The following MICAL3 variants were observed in gnomAD, a reference collection of about 807,000 sequenced individuals.
The protein encoded by MICAL3 is [F-actin]-monooxygenase MICAL3.
Under a neutral mutation model 207.4 loss-of-function variants are expected in MICAL3, and 62 were observed. The observed-to-expected ratio is 0.30, with a 90% CI of 0.24 to 0.37. MICAL3 has a LOEUF of 0.37. MICAL3 is among the 10% of genes least tolerant of loss of function. The pLI, the probability that MICAL3 is intolerant of heterozygous loss-of-function variation, is 1.00. For missense variants in MICAL3, 2,368 were observed against 2,635.6 expected (o/e 0.90, Z 2.22); for synonymous variants, 1,077 against 1,069.3 (o/e 1.01, Z -0.14).
chr22:17,878,917 C>G (rs1369685251), intron 16 of MICAL3, among the ~76,000 whole-genome samples: 1 of 152,150 alleles, frequency 6.6e-6, no homozygotes, highest in Non-Finnish European at 1.5e-5. Context: ...CTTAGGATTT[C>G]CACTTCAAGA....
chr22:17,985,217 C>T (rs1198997258), intron 1 of MICAL3, among the ~76,000 whole-genome samples: 1 of 152,112 alleles, frequency 6.6e-6, no homozygotes, highest in African/African-American at 2.4e-5. Context: ...GAGGAAGGTC[C>T]GGCCAGGGAG....
chr22:17,794,616 AC>A (rs1231255074), intron 29 of MICAL3, among the ~76,000 whole-genome samples: 3 of 151,154 alleles, frequency 2.0e-5, no homozygotes, highest in Non-Finnish European at 4.4e-5. Context: ...AGAGCCAACC[AC>A]CCCCTTTCCT....
At chr22:17,990,092 AG>A (rs1242704137) in intron 1 of MICAL3, among the ~76,000 whole-genome samples, 1 of 149,332 alleles carries the variant, frequency 6.7e-6, no homozygotes, top group Non-Finnish European at 1.5e-5. Context: ...TTATTTCAGG[AG>A]GCTTAAAGAA....
chr22:17,882,214 C>G (rs1299386634), intron 16 of MICAL3, among the ~76,000 whole-genome samples: 4 of 152,212 alleles, frequency 2.6e-5, no homozygotes, highest in African/African-American at 9.7e-5. Context: ...AAGGGAAGAG[C>G]CACAGTGTTT....
At chr22:17,948,761 G>A (rs1934190508) in intron 1 of MICAL3, among the ~76,000 whole-genome samples, 1 of 151,884 alleles carries the variant, frequency 6.6e-6, no homozygotes, top group Non-Finnish European at 1.5e-5. Flanking sequence ...ATACAAAAAT[G>A]AGCTGTGCCC....
intron 2 of MICAL3, among the ~76,000 whole-genome samples, chr22:17,905,652 G>A (rs897353284): frequency 2.6e-5 from 4 of 152,112 alleles, no homozygotes; most frequent in Admixed American, 6.6e-5. Context: ...ATTAAAGCTC[G>A]TGAAAGAACA....
At chr22:17,792,892 A>C (rs1253863103) in intron 29 of MICAL3, among the ~76,000 whole-genome samples, 1 of 152,052 alleles carries the variant, frequency 6.6e-6, no homozygotes, top group African/African-American at 2.4e-5. Context: ...GCCAGCCCCC[A>C]CTCAGTTCCA....
chr22:17,901,058 G>A (rs1931277785), intron 5 of MICAL3, 61 bp from the exon 6 acceptor site: 2 of 1,522,928 alleles, frequency 1.3e-6, no homozygotes, highest in Middle Eastern at 1.7e-4. Context: ...GATCACTTCA[G>A]ATAAAGTGGG....
intron 11 of MICAL3, among the ~76,000 whole-genome samples, chr22:17,892,145 A>G (rs1440501911): frequency 6.6e-6 from 1 of 152,212 alleles, no homozygotes; most frequent in Non-Finnish European, 1.5e-5. Flanking sequence ...TAACTTGCCA[A>G]GAGAAGAAGC....
intron 11 of MICAL3, among the ~76,000 whole-genome samples, chr22:17,893,099 AC>A (rs1930515683): frequency 6.6e-6 from 1 of 152,086 alleles, no homozygotes; most frequent in South Asian, 2.1e-4. Flanking sequence ...CGCACAATTC[AC>A]CAGCAGCAAA....
chr22:17,889,222 T>C lies in MICAL3; in HGVS notation c.1703A>G (p.Asp568Gly), dbSNP rs755448414. The C allele has an allele frequency of 2.5e-6, 4 of 1,610,128 alleles. No homozygotes were observed. The highest frequency in any genetic ancestry group is 1.7e-5 in the Admixed American group (1 of 59,928). Residue 568 changes from aspartate to glycine, a missense_variant, in exon 13 of 32, where the codon GAT becomes GGT. Transcript: ENST00000441493. ...HRYRPDLIDF[D>G]SLDEQNVEKN... ...CTCCACATTTTGCTCATCCAAAGAA[T>C]CAAAATCTCTGAGAAACAGGACAAG... is the stretch of plus-strand genomic sequence containing the variant.
At chr22:17,999,071 T>A (rs1922639195) in intron 1 of MICAL3, among the ~76,000 whole-genome samples, 1 of 152,198 alleles carries the variant, frequency 6.6e-6, no homozygotes. Flanking sequence ...TGGTCAGGCT[T>A]CGACCATCTG....
chr22:17,801,092 T>C (rs1052213357), intron 29 of MICAL3, among the ~76,000 whole-genome samples: 1 of 151,946 alleles, frequency 6.6e-6, no homozygotes, highest in Admixed American at 6.6e-5. Flanking sequence ...CAAAGGGTTA[T>C]GAGTGTCAGT....
chr22:17,997,049 T>TA (rs1569161654), intron 1 of MICAL3, among the ~76,000 whole-genome samples: 9 of 115,104 alleles, frequency 7.8e-5, no homozygotes, highest in African/African-American at 2.6e-4. Context: ...CCCCATCTAG[T>TA]CTTTTTTTTT....
At chr22:17,995,061 T>C (rs1055129967) in intron 1 of MICAL3, among the ~76,000 whole-genome samples, 2 of 152,188 alleles carry the variant, frequency 1.3e-5, no homozygotes, top group African/African-American at 2.4e-5. Context: ...AAGATACTGT[T>C]GTCCTTGCCA....
At chr22:17,955,113 T>C (rs1184278184) in intron 1 of MICAL3, among the ~76,000 whole-genome samples, 4 of 152,222 alleles carry the variant, frequency 2.6e-5, no homozygotes, top group Admixed American at 6.5e-5. Context: ...AGCAGGATTC[T>C]TGTTAAGGAT....
chr22:17,934,046 A>G (rs1286992734), intron 1 of MICAL3, among the ~76,000 whole-genome samples: 1 of 152,234 alleles, frequency 6.6e-6, no homozygotes, highest in African/African-American at 2.4e-5. Context: ...CCAGAGGTAC[A>G]AAGAGGAACT....
chr22:18,004,012 C>T (rs1923212275), intron 1 of MICAL3, among the ~76,000 whole-genome samples: 1 of 152,192 alleles, frequency 6.6e-6, no homozygotes, highest in Non-Finnish European at 1.5e-5. Context: ...CTGTGATGTG[C>T]CTGCCTCGGC....
At chr22:17,955,749 A>G (rs545673281) in intron 1 of MICAL3, among the ~76,000 whole-genome samples, 3 of 152,298 alleles carry the variant, frequency 2.0e-5, no homozygotes, top group East Asian at 3.9e-4. Flanking sequence ...TCAATATGTC[A>G]GTGACAATTT....
Sources: allele counts gnomAD v4.1 joint callset (sites outside exome capture counted in the v4.1 genomes callset), GRCh38; gene constraint gnomAD v4.1.1; transcripts MANE v1.5; gene names NCBI Gene and HGNC (gene_info 2026-07-23, HGNC 2026-07-21).